The following RABEP1 variants were observed in gnomAD, a reference collection of about 807,000 sequenced individuals.
The protein encoded by RABEP1 is rab GTPase-binding effector protein 1.
RABEP1 carries 51 observed loss-of-function variants against 123.4 expected under a neutral mutation model. The observed-to-expected ratio is 0.41, with a 90% CI of 0.33 to 0.52. The LOEUF is 0.52. Ranked by LOEUF, RABEP1 falls within the 20% of genes least tolerant of loss-of-function variation. The pLI is 0.16. For synonymous variants in RABEP1, 347 were observed against 355.2 expected (o/e 0.98, Z 0.26); for missense variants, 888 against 996.3 (o/e 0.89, Z 1.46).
chr17:5,345,959 G>A (rs1197933969), intron 5 of RABEP1, among the ~76,000 whole-genome samples: 7 of 148,968 alleles, frequency 4.7e-5, no homozygotes, highest in Non-Finnish European at 7.5e-5. Flanking sequence ...GGGAAGAATT[G>A]TATTTTTTTT....
chr17:5,328,639 C>T (rs1906200359), intron 2 of RABEP1, among the ~76,000 whole-genome samples: 1 of 82,846 alleles, frequency 1.2e-5, no homozygotes, highest in South Asian at 4.3e-4. Flanking sequence ...GAGTGAGACG[C>T]TGTGTTAAAA....
At chr17:5,321,097 C>T (rs571728315) in intron 2 of RABEP1, among the ~76,000 whole-genome samples, 1 of 152,200 alleles carries the variant, frequency 6.6e-6, no homozygotes, top group East Asian at 1.9e-4. Context: ...ATCACTTGAG[C>T]CCAGGAGTTT....
Position 5,384,645 on chromosome 17 carries a change from A to AT in RABEP1, c.*1423dup. On this transcript the variant is annotated 3_prime_UTR_variant, in exon 18 of 18. Transcript: ENST00000537505. ...ACTTCTGTCTTCCATAGGACAAATG[A>AT]TAAGTACTACATACCTCATCTCTTG... 4.7e-6 allele frequency: 1 copy of AT among 213,840 alleles called. No homozygotes were observed. 13.2% of individuals were successfully genotyped at this position (213,840 alleles called of 1,614,324 possible).
At chr17:5,299,719 C>CTT (rs146585957) in intron 1 of RABEP1, among the ~76,000 whole-genome samples, 1,586 of 98,392 alleles carry the variant, frequency 0.016, 191 homozygotes, top group South Asian at 0.026. Flanking sequence ...TTTTTCTTTT[C>CTT]TTTTTCTTTT....
intron 8 of RABEP1, among the ~76,000 whole-genome samples, chr17:5,359,366 G>A (rs904379070): frequency 2.0e-5 from 3 of 152,072 alleles, no homozygotes; most frequent in Non-Finnish European, 2.9e-5. Flanking sequence ...GAGCCACTGC[G>A]CCCAGCCAGT....
At chr17:5,341,578 AAG>A (rs914914172) in intron 5 of RABEP1, among the ~76,000 whole-genome samples, 2 of 152,228 alleles carry the variant, frequency 1.3e-5, no homozygotes, top group South Asian at 4.1e-4. Context: ...GGAATACAAA[AAG>A]AGAGAAAGCT....
intron 13 of RABEP1, among the ~76,000 whole-genome samples, chr17:5,374,395 G>C (rs1433919294): frequency 1.3e-5 from 2 of 151,894 alleles, no homozygotes; most frequent in African/African-American, 4.9e-5. Flanking sequence ...TGGTTTCCCA[G>C]AGACATTCAT....
At position 5,385,019 on chromosome 17, in the gene RABEP1, C is replaced by A. The variant is rs182298386; in HGVS notation, c.*1796C>A. The A allele has an allele frequency of 5.2e-5, 12 of 228,876 alleles. No homozygotes were observed. Among genetic ancestry groups the A allele is most frequent in the African/African-American group, 2.4e-4 (11 of 45,200 alleles). 14.2% of individuals were successfully genotyped at this position (228,876 alleles called of 1,614,324 possible). ...GAACTAGAGCTTGCAGTGAAGTGTT[C>A]TGCTGAGACTGAGCACCTTACAGAT... On this transcript the variant is annotated 3_prime_UTR_variant, in exon 18 of 18. Coordinates refer to ENST00000537505, the MANE Select transcript of RABEP1 (RefSeq NM_004703.6).
In RABEP1 at chr17:5,343,670, C is replaced by CTTTTTTTTT. The variant is rs753410845; in HGVS notation, c.649-3105_649-3097dup. The stretch of plus-strand genomic sequence containing the variant: ...AAAAAGATTTCTTTCTTTCTTTTCT[C>CTTTTTTTTT]TTTTTTTTTTTTTTTTTTTTTTTGA... On this transcript the variant is annotated intron_variant, in intron 5 of 17. Transcript: ENST00000537505. Among the ~76,000 whole-genome samples the CTTTTTTTTT allele has an allele frequency of 5.7e-4, 57 of 99,928 alleles. 2 individuals carry two copies. Among genetic ancestry groups the CTTTTTTTTT allele is most frequent in the African/African-American group, 1.0e-3 (27 of 25,718 alleles). The allele number at this position is 99,928 out of a possible 152,430, so 65.6% of individuals were successfully genotyped here.
At chr17:5,311,330 T>A (rs967530747) in intron 2 of RABEP1, among the ~76,000 whole-genome samples, 1 of 152,246 alleles carries the variant, frequency 6.6e-6, no homozygotes, top group South Asian at 2.1e-4. Flanking sequence ...ATATAAATGT[T>A]TTCTTTACGG....
chr17:5,347,658 A>G (rs1908183415), intron 6 of RABEP1, among the ~76,000 whole-genome samples: 1 of 152,190 alleles, frequency 6.6e-6, no homozygotes, highest in African/African-American at 2.4e-5. Flanking sequence ...TAGCTCAGTG[A>G]TACAGAAATT....
rs145981444 is a variant in RABEP1, at chr17:5,374,586, G to A, written c.2025+1132G>A. 7.5e-3 allele frequency among the ~76,000 whole-genome samples: 1,131 copies of A among 151,770 alleles called. 32 individuals carry two copies. The highest frequency in any genetic ancestry group is 0.026 in the African/African-American group (1,074 of 41,262). Reference sequence around the variant, plus strand: ...CGAGTAGCTGGGATTACAGGCGTGCGCCAGCACGCTGGGCTAATTTGTTTC... The same window carrying A: ...CGAGTAGCTGGGATTACAGGCGTGCACCAGCACGCTGGGCTAATTTGTTTC... On this transcript the variant is annotated intron_variant, in intron 13 of 17. Coordinates refer to ENST00000537505, the MANE Select transcript of RABEP1 (RefSeq NM_004703.6).
chr17:5,314,494 T>C (rs944024661), intron 2 of RABEP1, among the ~76,000 whole-genome samples: 4 of 149,526 alleles, frequency 2.7e-5, no homozygotes, highest in African/African-American at 9.9e-5. Context: ...CGACTTCAAC[T>C]GGGAATGTTA....
At position 5,297,588 on chromosome 17, in the gene RABEP1, G is replaced by A. The variant is rs557641348; in HGVS notation, c.35-11106G>A. ...GTTAGCTTAATCTTAGAATGTTTCTGCATCTGTAACTGGGGTGATAATGCC... is the reference window on the plus strand; with the variant it reads ...GTTAGCTTAATCTTAGAATGTTTCTACATCTGTAACTGGGGTGATAATGCC... On this transcript the variant is annotated intron_variant, in intron 1 of 17. Coordinates refer to ENST00000537505, the MANE Select transcript of RABEP1 (RefSeq NM_004703.6). Among the ~76,000 whole-genome samples, 66 of 152,308 alleles carry A rather than the reference G, an allele frequency of 4.3e-4. 1 individual carries two copies. The highest frequency in any genetic ancestry group is 1.6e-3 in the African/African-American group (65 of 41,578).
At chr17:5,331,690 T>C (rs1386650529) in intron 2 of RABEP1, among the ~76,000 whole-genome samples, 1 of 152,138 alleles carries the variant, frequency 6.6e-6, no homozygotes, top group Non-Finnish European at 1.5e-5. Flanking sequence ...CCAGAGAGAT[T>C]AAATAACATG....
chr17:5,380,553 T>C, intron 16 of RABEP1, 91 bp downstream of exon 16: 1 of 1,103,840 alleles, frequency 9.1e-7, no homozygotes, highest in Non-Finnish European at 1.3e-6. Context: ...ATTGGTGCTT[T>C]GAAGTGTCAC....
intron 12 of RABEP1, among the ~76,000 whole-genome samples, chr17:5,372,623 G>A (rs3026096): frequency 0.64 from 97,240 of 152,044 alleles, 33,211 homozygotes; most frequent in East Asian, 0.97. Flanking sequence ...TTTCTGTCCA[G>A]TGCACGCCAT....
chr17:5,311,368 C>T (rs2075238547), intron 2 of RABEP1, among the ~76,000 whole-genome samples: 1 of 151,916 alleles, frequency 6.6e-6, no homozygotes, highest in Non-Finnish European at 1.5e-5. Flanking sequence ...ATTATAAATA[C>T]ACAGTTGATC....
intron 11 of RABEP1, among the ~76,000 whole-genome samples, chr17:5,367,303 G>A (rs776281116): frequency 6.8e-6 from 1 of 147,096 alleles, no homozygotes; most frequent in Admixed American, 6.8e-5. Flanking sequence ...TTTTTGTCTC[G>A]CTGTGTCGCC....
Sources: gnomAD v4.1 joint callset for allele counts (sites outside exome capture counted in the v4.1 genomes callset) on GRCh38, gnomAD v4.1.1 for gene constraint, MANE v1.5 for transcripts, NCBI Gene and HGNC (gene_info 2026-07-23, HGNC 2026-07-21) for gene names.